METRN: variants seen among roughly 807,000 people sequenced by gnomAD.
METRN encodes meteorin.
METRN carries 17 observed loss-of-function variants against 17.4 expected under a neutral mutation model. The observed-to-expected ratio is 0.98, with a 90% confidence interval of 0.67 to 1.46. The LOEUF (loss-of-function observed/expected upper bound fraction) is 1.46, where lower values mean the gene tolerates loss of function less well. Among genes scored for constraint, METRN ranks in the 40% most tolerant of loss-of-function variants. The pLI is 0.00. For missense variants in METRN, 489 were observed against 456.2 expected, an observed-to-expected ratio of 1.07 and a Z score of -0.65; for synonymous variants, 230 against 210.8, an observed-to-expected ratio of 1.09 and a Z score of -0.79.
chr16:717,546 G>A lies in METRN; in HGVS notation c.*159G>A. 3.3e-6 allele frequency: 2 copies of A among 597,638 alleles called. No homozygotes were observed. The highest frequency in any genetic ancestry group is 2.5e-6 in the Non-Finnish European group (1 of 395,346). The allele number at this position is 597,638 out of a possible 1,614,324, so 37.0% of individuals were successfully genotyped here. Reference sequence around the variant, plus strand: ...GGCCTGCCTCGCAGCTGTGAGGATGGCTCCAATTCCTGCCTCCTGGCGGGA... The same window carrying A: ...GGCCTGCCTCGCAGCTGTGAGGATGACTCCAATTCCTGCCTCCTGGCGGGA... On this transcript the variant is annotated 3_prime_UTR_variant, in exon 4 of 4. Transcript: ENST00000568223.
Position 717,218 on chromosome 16 carries a change from C to A in METRN, c.713C>A (p.Thr238Asn). 3.8e-6 allele frequency: 6 copies of A among 1,593,208 alleles called. No homozygotes were observed. The East Asian group carries it at 1.4e-4, about 36-fold the overall frequency. ...SGDQGLTSIR[T>N]PLRCGVHPGP... ...GACCAGGGGCTGACCTCCATTCGTA[C>A]CCCACTGCGCTGTGGCGTCCACCCG... is the stretch of plus-strand genomic sequence containing the variant. The change falls in exon 4 of 4, where the codon ACC (threonine) becomes AAC (asparagine). Residue 238 changes from threonine to asparagine, a missense_variant. Thr to Asn is a moderately conservative substitution (Grantham distance 65). Transcript: ENST00000568223.
Position 715,608 on chromosome 16 carries a change from C to T in METRN, c.129C>T (p.Ser43=). 1 of 1,399,932 alleles carries T rather than the reference C, an allele frequency of 7.1e-7. No homozygotes were observed. Among genetic ancestry groups the T allele is most frequent in the Non-Finnish European group, 9.2e-7 (1 of 1,082,400 alleles). The allele number at this position is 1,399,932 out of a possible 1,614,324, so 86.7% of individuals were successfully genotyped here. The stretch of plus-strand genomic sequence containing the variant: ...GCGGCCTCACCCAGGAGCCCGGCAG[C>T]GTGGGGCAGCTGGCCCTGGCCTGTG... ...RGSGLTQEPG[S]VGQLALACAE... is the part of the protein sequence containing the mutation. The change falls in exon 2 of 4, where the codon AGC becomes AGT. Residue 43 remains serine, a synonymous_variant. Transcript: ENST00000568223.
rs765401853 is a variant in METRN, at chr16:717,056, C to T, written c.566-15C>T. On this transcript the variant is annotated splice_polypyrimidine_tract_variant and intron_variant, in intron 3 of 3. Transcript: ENST00000568223. ...TTCCCCTGAATGCCTACCGCAGCCA[C>T]ATGCCTCCCCACAGTAATTCACGGG... 2 of 1,611,686 alleles carry T rather than the reference C, an allele frequency of 1.2e-6. No homozygotes were observed. The highest frequency in any genetic ancestry group is 1.1e-5 in the South Asian group (1 of 90,914).
In METRN at chr16:715,146, G is replaced by A. The variant is rs979774103; in HGVS notation, c.-144G>A. 1.7e-4 allele frequency: 30 copies of A among 174,064 alleles called. No individual in the cohort carries two copies. The highest frequency in any genetic ancestry group is 3.0e-4 in the Non-Finnish European group (27 of 90,468). 10.8% of individuals were successfully genotyped at this position (174,064 alleles called of 1,614,324 possible). A position where few individuals can be genotyped will look rare whatever the true frequency, so the allele number is the denominator to read the frequency against. On this transcript the variant is annotated 5_prime_UTR_variant, in exon 1 of 4. Coordinates refer to ENST00000568223, the MANE Select transcript of METRN (RefSeq NM_024042.4). ...GCGGCCCCGGCGCTGGGGCTGCGCG[G>A]CAGGCGGAGCGGCCGCGGGCTTGGG...
At chr16:716,856 G>A in intron 2 of METRN, 77 bp from the exon 3 acceptor site, 1 of 1,497,816 alleles carries the variant, frequency 6.7e-7, no homozygotes, top group Non-Finnish European at 9.0e-7. Context: ...CCTGCCGCTT[G>A]TGCGGACAAG....
Position 717,283 on chromosome 16 carries a change from G to C in METRN, c.778G>C (p.Gly260Arg), listed in dbSNP as rs1221788279. 2.6e-6 allele frequency: 4 copies of C among 1,541,222 alleles called. No individual in the cohort carries two copies. The African/African-American group carries it at 5.4e-5, about 21-fold the overall frequency. The change falls in exon 4 of 4, where the codon GGG becomes CGG. Residue 260 changes from glycine to arginine, a missense_variant. Physicochemically the swap from Gly to Arg is moderately radical, Grantham distance 125. Transcript: ENST00000568223. ...TFLFMGWSRF[G>R]EARLGCAPRF... ...CCTCTTCATGGGCTGGAGCCGCTTT[G>C]GGGAGGCCCGGCTGGGCTGTGCCCC...
chr16:715,905 C>T lies in METRN; in HGVS notation c.426C>T (p.Arg142=). 3 of 1,472,648 alleles carry T rather than the reference C, an allele frequency of 2.0e-6. No homozygotes were observed. The highest frequency in any genetic ancestry group is 2.7e-6 in the Non-Finnish European group (3 of 1,118,286). The allele number at this position is 1,472,648 out of a possible 1,614,324, so 91.2% of individuals were successfully genotyped here. A position where few individuals can be genotyped will look rare whatever the true frequency, so the allele number is the denominator to read the frequency against. ...QATPHQDISR[R]VAAFRFELRE... ...CGCCGCACCAGGACATCAGCCGCCG[C>T]GTGGCCGCCTTCCGCTTTGAGCTGC... Residue 142 remains arginine (R), a synonymous_variant, in exon 2 of 4, where the codon CGC becomes CGT. Transcript: ENST00000568223.
chr16:715,237 G>A lies in METRN; in HGVS notation c.-53G>A. On this transcript the variant is annotated 5_prime_UTR_variant, in exon 1 of 4. Coordinates refer to ENST00000568223, the MANE Select transcript of METRN (RefSeq NM_024042.4). Reference sequence around the variant, plus strand: ...CCGCCGCCGCCCGGACCCGCGCCCCGCCGGGGCAGCGGTGGTGAGAGCCCC... The same window carrying A: ...CCGCCGCCGCCCGGACCCGCGCCCCACCGGGGCAGCGGTGGTGAGAGCCCC... 1 of 1,005,356 alleles carries A rather than the reference G, an allele frequency of 9.9e-7. No individual in the cohort carries two copies. The highest frequency in any genetic ancestry group is 1.2e-6 in the Non-Finnish European group (1 of 818,850). 62.3% of individuals were successfully genotyped at this position (1,005,356 alleles called of 1,614,324 possible). A position where few individuals can be genotyped will look rare whatever the true frequency, so the allele number is the denominator to read the frequency against.
In METRN at chr16:717,162, A is replaced by C. The variant is rs531884651; in HGVS notation, c.657A>C (p.Thr219=). Residue 219 remains threonine (T), a synonymous_variant, in exon 4 of 4, where the codon ACA becomes ACC. Transcript: ENST00000568223. Reference sequence around the variant, plus strand: ...TGGCCGCCCGTGTCCTCCGCCAGACACCGCCGCTGTTCCAGGCGGGGCGAT... The same window carrying C: ...TGGCCGCCCGTGTCCTCCGCCAGACCCCGCCGCTGTTCCAGGCGGGGCGAT... ...TVVAARVLRQ[T]PPLFQAGRSG... 6.2e-7 allele frequency: 1 copy of C among 1,603,988 alleles called. No individual in the cohort carries two copies.
chr16:716,011 G>T, intron 2 of METRN, 27 bp downstream of exon 2: 1 of 1,438,866 alleles, frequency 6.9e-7, no homozygotes. Context: ...TTGGGACAGG[G>T]TGGGAGTCCC....
intron 2 of METRN, chr16:716,546 C>G (rs2040163302): frequency 2.0e-6 from 3 of 1,531,170 alleles, no homozygotes; most frequent in Non-Finnish European, 2.6e-6. Context: ...GCCCCCACTT[C>G]CTATCACCCT....
chr16:715,738 C>G lies in METRN; in HGVS notation c.259C>G (p.Arg87Gly), dbSNP rs1240025507. 1.2e-5 allele frequency: 16 copies of G among 1,298,560 alleles called. No individual in the cohort carries two copies. Among genetic ancestry groups the G allele is most frequent in the Non-Finnish European group, 1.6e-5 (16 of 1,028,020 alleles). 80.4% of individuals were successfully genotyped at this position (1,298,560 alleles called of 1,614,324 possible). ...RPGIACLRPV[R>G]PFAGAQVFAE... ...CGGCATCGCCTGTCTGCGGCCGGTG[C>G]GGCCCTTCGCGGGCGCCCAGGTCTT... Residue 87 changes from arginine (R) to glycine (G), a missense_variant, in exon 2 of 4, where the codon CGG becomes GGG. Transcript: ENST00000568223.
In METRN at chr16:715,306, C is replaced by T. The variant is rs1596581943; in HGVS notation, c.17C>T (p.Ala6Val). 1 of 1,336,152 alleles carries T rather than the reference C, an allele frequency of 7.5e-7. No individual in the cohort carries two copies. The highest frequency in any genetic ancestry group is 9.6e-7 in the Non-Finnish European group (1 of 1,041,994). The allele number at this position is 1,336,152 out of a possible 1,614,324, so 82.8% of individuals were successfully genotyped here. A position where few individuals can be genotyped will look rare whatever the true frequency, so the allele number is the denominator to read the frequency against. ...CGCCGTGCCATGGGGTTCCCGGCCGCGGCGCTGCTCTGCGCGCTGTGCTGC... is the reference window on the plus strand; with the variant it reads ...CGCCGTGCCATGGGGTTCCCGGCCGTGGCGCTGCTCTGCGCGCTGTGCTGC... MGFPAAALLCALCCGL... is the reference protein window; with the variant it reads MGFPAVALLCALCCGL... The change falls in exon 1 of 4, where the codon GCG becomes GTG. Residue 6 changes from alanine to valine, a missense_variant. By Grantham distance (64) the Ala-to-Val change is moderately conservative (BLOSUM62 0). Coordinates refer to ENST00000568223, the MANE Select transcript of METRN (RefSeq NM_024042.4).
chr16:717,420 G>GTT lies in METRN; in HGVS notation c.*33_*34insTT. On this transcript the variant is annotated 3_prime_UTR_variant, in exon 4 of 4. Coordinates refer to ENST00000568223, the MANE Select transcript of METRN (RefSeq NM_024042.4). Reference sequence around the variant, plus strand: ...GGTGCTGGGGAGGGGCTGGTAGGAGGGAGGGTGGGCCCACTGCTTTGGAGG... The same window carrying GTT: ...GGTGCTGGGGAGGGGCTGGTAGGAGGTTGAGGGTGGGCCCACTGCTTTGGAGG... 7.4e-7 allele frequency: 1 copy of GTT among 1,360,168 alleles called. No individual in the cohort carries two copies. Among genetic ancestry groups the GTT allele is most frequent in the Non-Finnish European group, 9.5e-7 (1 of 1,049,428 alleles). The allele number at this position is 1,360,168 out of a possible 1,614,324, so 84.3% of individuals were successfully genotyped here. A position where few individuals can be genotyped will look rare whatever the true frequency, so the allele number is the denominator to read the frequency against.
At chr16:716,033 C>T (rs1309146687) in intron 2 of METRN, 49 bp downstream of exon 2, 4 of 1,391,140 alleles carry the variant, frequency 2.9e-6, no homozygotes, top group Non-Finnish European at 3.7e-6. Flanking sequence ...AAGTCTTACC[C>T]TGCCTGGGCT....
At chr16:716,144 G>A in intron 2 of METRN, 160 bp downstream of exon 2, 1 of 985,456 alleles carries the variant, frequency 1.0e-6, no homozygotes, top group Non-Finnish European at 1.2e-6. Flanking sequence ...TGCTGGGGAG[G>A]GATGGCCTCC....
At chr16:716,193 CA>C in intron 2 of METRN, 2 of 985,432 alleles carry the variant, frequency 2.0e-6, no homozygotes, top group Non-Finnish European at 2.4e-6. Flanking sequence ...AAAGAGCTGG[CA>C]GGGGCAGAGT....
rs2040175715 is a variant in METRN at position 717,977 on chromosome 16, TCCTTGGCCCCGTCCCGC to T, written c.*597_*613del. On this transcript the variant is annotated 3_prime_UTR_variant, in exon 4 of 4. Transcript: ENST00000568223. ...TGGCTGCTGTGAGCCCGCAGAGTCA[TCCTTGGCCCCGTCCCGC>T]CCTTGGGGAAGAATGGGCCCCTCTG... 6.6e-6 allele frequency: 1 copy of T among 152,382 alleles called. No homozygotes were observed. The highest frequency in any genetic ancestry group is 2.4e-5 in the African/African-American group (1 of 41,468). 9.4% of individuals were successfully genotyped at this position (152,382 alleles called of 1,614,324 possible). A position where few individuals can be genotyped will look rare whatever the true frequency, so the allele number is the denominator to read the frequency against.
chr16:716,536 G>C, intron 2 of METRN: 1 of 1,527,110 alleles, frequency 6.5e-7, no homozygotes. Flanking sequence ...CCCTTCCTCT[G>C]CCCCCACTTC....
Sources: gnomAD v4.1 joint callset for allele counts on GRCh38, gnomAD v4.1.1 for gene constraint, MANE v1.5 for transcripts, NCBI Gene and HGNC (gene_info 2026-07-23, HGNC 2026-07-21) for gene names.